LRMDA: variants seen among roughly 807,000 people sequenced by gnomAD.
LRMDA encodes the protein leucine rich melanocyte differentiation associated, also known as leucine-rich melanocyte differentiation-associated protein.
In LRMDA, 18 loss-of-function variants were observed where a neutral mutation model predicts 29.8. That is an observed-to-expected ratio of 0.60 (90% CI 0.42 to 0.90). The LOEUF (loss-of-function observed/expected upper bound fraction) is 0.90. Among genes scored for constraint, LRMDA ranks in the 40% least tolerant of loss-of-function variants. The pLI is 0.00. For missense variants in LRMDA, 273 were observed against 273.9 expected (o/e 1.00, Z 0.02); for synonymous variants, 125 against 109.4 (o/e 1.14, Z -0.89).
intron 2 of LRMDA, among the ~76,000 whole-genome samples, chr10:75,598,261 G>A (rs1275659309): frequency 2.0e-5 from 3 of 152,164 alleles, no homozygotes; most frequent in Admixed American, 1.3e-4. Context: ...TCACTGATGA[G>A]TCCAACTTTC....
chr10:76,086,050 C>G (rs929010220), intron 5 of LRMDA, among the ~76,000 whole-genome samples: 1 of 152,308 alleles, frequency 6.6e-6, no homozygotes, highest in East Asian at 1.9e-4. Flanking sequence ...TAAAGACTTC[C>G]CTTGACATGC....
intron 5 of LRMDA, among the ~76,000 whole-genome samples, chr10:76,075,882 C>T (rs1196989971): frequency 1.3e-5 from 2 of 152,158 alleles, no homozygotes; most frequent in Non-Finnish European, 2.9e-5. Context: ...CCCCACTCTC[C>T]CATTGGCTAT....
At chr10:75,853,433 G>GGTGT (rs3042495) in intron 2 of LRMDA, among the ~76,000 whole-genome samples, 5,159 of 147,570 alleles carry the variant, frequency 0.035, 98 homozygotes, top group African/African-American at 0.058. Context: ...AAAGAAGAGG[G>GGTGT]GTGTGTGTGT....
chr10:76,211,723 A>G (rs117475281), intron 5 of LRMDA, among the ~76,000 whole-genome samples: 2,222 of 152,364 alleles, frequency 0.015, 32 homozygotes, highest in Non-Finnish European at 0.021. Context: ...TTGAAGATTC[A>G]TAAATCTGAA....
At position 75,799,334 on chromosome 10, in the gene LRMDA, G is replaced by A. The variant is rs188944687; in HGVS notation, c.132-236674G>A. Among the ~76,000 whole-genome samples the A allele has an allele frequency of 8.2e-3, 1,250 of 152,110 alleles. 5 individuals carry two copies. The highest frequency in any genetic ancestry group is 0.013 in the Non-Finnish European group (857 of 67,988). ...AACCTCTGATCATAGTCTCTGCCTC[G>A]AAGCTTACTTTGTCCAATATCAGTG... On this transcript the variant is annotated intron_variant, in intron 2 of 6. Transcript: ENST00000611255.
At chr10:75,985,557 A>G (rs1847248759) in intron 2 of LRMDA, among the ~76,000 whole-genome samples, 1 of 152,204 alleles carries the variant, frequency 6.6e-6, no homozygotes, top group African/African-American at 2.4e-5. Context: ...CAAAAAAGAG[A>G]GATTTCCTCT....
At chr10:75,446,127 A>G (rs1306013294) in intron 2 of LRMDA, among the ~76,000 whole-genome samples, 1 of 152,232 alleles carries the variant, frequency 6.6e-6, no homozygotes, top group Non-Finnish European at 1.5e-5. Flanking sequence ...TGTCTCTGTT[A>G]TGAACTGCTA....
At chr10:75,676,806 C>A (rs1841965234) in intron 2 of LRMDA, among the ~76,000 whole-genome samples, 1 of 152,072 alleles carries the variant, frequency 6.6e-6, no homozygotes, top group Non-Finnish European at 1.5e-5. Context: ...AGATACCTGA[C>A]CAATGTATCT....
rs150640256 is a variant in LRMDA at position 75,655,068 on chromosome 10, T to C, written c.131+216574T>C. ...TCTGAAAAGTTATGTGTGTTTGTTA[T>C]CATGAAAACATTAATAATATTAGGA... On this transcript the variant is annotated intron_variant, in intron 2 of 6. Transcript: ENST00000611255. 2.3e-3 allele frequency among the ~76,000 whole-genome samples: 357 copies of C among 152,366 alleles called. 2 individuals carry two copies. Among genetic ancestry groups the C allele is most frequent in the Middle Eastern group, 3.4e-3 (1 of 294 alleles).
chr10:75,692,278 C>CAATT (rs59755161), intron 2 of LRMDA, among the ~76,000 whole-genome samples: 39,198 of 136,180 alleles, frequency 0.29, 6,369 homozygotes, highest in African/African-American at 0.44. Context: ...AATATATACA[C>CAATT]AAGTATATAC....
chr10:76,130,828 G>A (rs1245243684), intron 5 of LRMDA, among the ~76,000 whole-genome samples: 1 of 151,878 alleles, frequency 6.6e-6, no homozygotes, highest in Non-Finnish European at 1.5e-5. Flanking sequence ...CCCAGCTAAT[G>A]TTTTGTATTT....
intron 2 of LRMDA, among the ~76,000 whole-genome samples, chr10:75,849,243 C>T (rs1225337862): frequency 6.6e-6 from 1 of 152,024 alleles, no homozygotes; most frequent in Non-Finnish European, 1.5e-5. Context: ...CCCAGCATTG[C>T]ATTTCTTCTT....
chr10:75,564,649 C>T (rs1034609637), intron 2 of LRMDA, among the ~76,000 whole-genome samples: 19 of 152,322 alleles, frequency 1.2e-4, no homozygotes, highest in South Asian at 6.2e-4. Flanking sequence ...AGCTGTAGAC[C>T]GGAGCTGTTC....
intron 2 of LRMDA, among the ~76,000 whole-genome samples, chr10:75,569,593 T>A (rs919180156): frequency 6.6e-6 from 1 of 152,224 alleles, no homozygotes; most frequent in Non-Finnish European, 1.5e-5. Context: ...TAAGCAAAAA[T>A]CCTTTGAAAC....
In LRMDA at chr10:75,569,770, A is replaced by G. The variant is rs141521861; in HGVS notation, c.131+131276A>G. On this transcript the variant is annotated intron_variant, in intron 2 of 6. Transcript: ENST00000611255. Reference sequence around the variant, plus strand: ...GCTGAAGGGATTGGTTTTAGCACAAATCAGATCAAGGTGCTGCAAAAGTTA... The same window carrying G: ...GCTGAAGGGATTGGTTTTAGCACAAGTCAGATCAAGGTGCTGCAAAAGTTA... 9.4e-3 allele frequency among the ~76,000 whole-genome samples: 1,430 copies of G among 152,324 alleles called. 27 individuals carry two copies. The highest frequency in any genetic ancestry group is 0.032 in the African/African-American group (1,339 of 41,582).
chr10:75,514,878 A>T (rs1480165636), intron 2 of LRMDA, among the ~76,000 whole-genome samples: 1 of 151,930 alleles, frequency 6.6e-6, no homozygotes, highest in African/African-American at 2.4e-5. Context: ...AAACAGACTA[A>T]GACAGGGTCA....
intron 5 of LRMDA, among the ~76,000 whole-genome samples, chr10:76,202,340 CT>C (rs1851448977): frequency 6.6e-6 from 1 of 152,166 alleles, no homozygotes; most frequent in African/African-American, 2.4e-5. Flanking sequence ...CCAGGAGATA[CT>C]TTCTCTTCAC....
chr10:76,068,477 C>T (rs1848822557), intron 5 of LRMDA, among the ~76,000 whole-genome samples: 1 of 152,160 alleles, frequency 6.6e-6, no homozygotes, highest in Non-Finnish European at 1.5e-5. Flanking sequence ...GATCATCAGG[C>T]ATTAGATTCT....
chr10:76,209,803 A>C (rs1237259164), intron 5 of LRMDA, among the ~76,000 whole-genome samples: 1 of 152,180 alleles, frequency 6.6e-6, no homozygotes, highest in Non-Finnish European at 1.5e-5. Context: ...AGAGTGTCCT[A>C]TAGCACCAGC....
Sources: gnomAD v4.1 joint callset for allele counts (sites outside exome capture counted in the v4.1 genomes callset) on GRCh38, gnomAD v4.1.1 for gene constraint, MANE v1.5 for transcripts, NCBI Gene and HGNC (gene_info 2026-07-23, HGNC 2026-07-21) for gene names.